DSP: variants seen among roughly 807,000 people sequenced by gnomAD.
DSP encodes 250/210 kDa paraneoplastic pemphigus antigen.
DSP carries 114 observed loss-of-function variants against 290.6 expected under a neutral mutation model. The observed-to-expected ratio is 0.39, with a 90% CI of 0.34 to 0.46. The LOEUF is 0.46. Among genes scored for constraint, DSP ranks in the 20% least tolerant of loss-of-function variants. The probability of loss-of-function intolerance (pLI) is 0.99; values close to 1 mark genes in which losing one functional copy is unlikely to be tolerated. For missense variants in DSP, 3,230 were observed against 3,495.8 expected (o/e 0.92, Z 1.92); for synonymous variants, 1,311 against 1,316.4 (o/e 1.00, Z 0.09).
At chr6:7,564,779 T>C (rs1029120683) in intron 6 of DSP, among the ~76,000 whole-genome samples, 9 of 151,438 alleles carry the variant, frequency 5.9e-5, no homozygotes, top group African/African-American at 1.9e-4. Context: ...TGTCCAGATA[T>C]CATGTGTACC....
intron 5 of DSP, 121 bp from the exon 6 acceptor site, chr6:7,563,615 T>C (rs538786669): frequency 1.3e-5 from 11 of 850,366 alleles, no homozygotes; most frequent in Non-Finnish European, 2.0e-5. Context: ...AGCTAGTAAT[T>C]CTTTCTTTCT....
At chr6:7,556,082 G>T (rs2113654526) in intron 2 of DSP, among the ~76,000 whole-genome samples, 1 of 152,272 alleles carries the variant, frequency 6.6e-6, no homozygotes, top group Non-Finnish European at 1.5e-5. Context: ...CACCTTTTTG[G>T]AAATAAAGCA....
intron 21 of DSP, 43 bp from the exon 22 acceptor site, chr6:7,578,421 T>C: frequency 6.5e-7 from 1 of 1,545,398 alleles, no homozygotes; most frequent in South Asian, 1.1e-5. Flanking sequence ...GACTTTTTTT[T>C]TAATGCAATA....
chr6:7,549,140 A>T (rs1248268757), intron 1 of DSP, among the ~76,000 whole-genome samples: 1 of 139,094 alleles, frequency 7.2e-6, no homozygotes, highest in African/African-American at 2.8e-5. Flanking sequence ...GTATATAGAG[A>T]GTGTTTAATG....
intron 2 of DSP, among the ~76,000 whole-genome samples, chr6:7,556,698 G>A (rs536370398): frequency 5.2e-4 from 79 of 152,274 alleles, no homozygotes; most frequent in Non-Finnish European, 9.1e-4. Context: ...TAGATATTGT[G>A]TGGGTTCTAG....
Position 7,577,863 on chromosome 6 carries a change from C to T in DSP, c.2962C>T (p.Pro988Ser), listed in dbSNP as rs774742340. The T allele has an allele frequency of 1.2e-6, 2 of 1,613,948 alleles. No individual in the cohort carries two copies. Among genetic ancestry groups the T allele is most frequent in the African/African-American group, 1.3e-5 (1 of 74,916 alleles). Residue 988 changes from proline (P) to serine (S), a missense_variant, in exon 21 of 24, where the codon CCT becomes TCT. Coordinates refer to ENST00000379802, the MANE Select transcript of DSP (RefSeq NM_004415.4). ...IPIKRTMIQS[P>S]SGVILQEAAD... ...TATCAAGAGGACCATGATTCAGTCC[C>T]CTTCTGGGGTGATTCTGCAAGAGGT...
Position 7,569,434 on chromosome 6 carries a change from G to A in DSP, c.1574+94G>A, listed in dbSNP as rs992573958. The A allele has an allele frequency of 1.5e-5, 23 of 1,577,168 alleles. No homozygotes were observed. The African/African-American group carries it at 2.3e-4, about 16-fold the overall frequency. On this transcript the variant is annotated intron_variant, in intron 12 of 23. Transcript: ENST00000379802. ...GTTTATACCTGAAGCTTAGACACAC[G>A]ATGCCTTGCCATAATAAACACCTTC...
intron 11 of DSP, 25 bp downstream of exon 11, chr6:7,568,614 A>C: frequency 4.3e-6 from 7 of 1,612,742 alleles, no homozygotes; most frequent in Non-Finnish European, 5.9e-6. Context: ...AGAATGATAC[A>C]AAAGTTTTCC....
intron 16 of DSP, 127 bp downstream of exon 16, chr6:7,574,379 GT>G (rs1255940134): frequency 5.1e-5 from 53 of 1,045,346 alleles, no homozygotes; most frequent in Non-Finnish European, 6.7e-5. Context: ...TCCTTCTGTG[GT>G]TTGGAGAGCA....
At chr6:7,561,875 C>T (rs1014564607) in intron 4 of DSP, among the ~76,000 whole-genome samples, 1 of 152,200 alleles carries the variant, frequency 6.6e-6, no homozygotes, top group African/African-American at 2.4e-5. Flanking sequence ...TACATGTACT[C>T]ATGCAAAAGA....
rs1759212430 is a variant in DSP, at chr6:7,575,478, A to T, written c.2620A>T (p.Ile874Phe). Residue 874 changes from isoleucine to phenylalanine, a missense_variant, in exon 18 of 24, where the codon ATC becomes TTC. Ile to Phe is a conservative substitution (Grantham distance 21). Coordinates refer to ENST00000379802, the MANE Select transcript of DSP (RefSeq NM_004415.4). ...CCGCTGGCAAAGGATAGATAAACAG[A>T]TCGACTTTAGGTATGCCAGCCTCCT... The part of the protein sequence containing the change: ...TDRWQRIDKQ[I>F]DFRLWDLEKQ... 38 of 1,614,146 alleles carry T rather than the reference A, an allele frequency of 2.4e-5. No individual in the cohort carries two copies. The highest frequency in any genetic ancestry group is 3.1e-5 in the Non-Finnish European group (36 of 1,180,008).
In DSP at chr6:7,586,180, A is replaced by G. The variant is rs144726758; in HGVS notation, c.*302A>G. On this transcript the variant is annotated 3_prime_UTR_variant, in exon 24 of 24. Coordinates refer to ENST00000379802, the MANE Select transcript of DSP (RefSeq NM_004415.4). ...TCTTCTGTGTTTCGATTTTTGATCAATTCTTTAATTTTGGAAGCCTATAAT... is the reference window on the plus strand; with the variant it reads ...TCTTCTGTGTTTCGATTTTTGATCAGTTCTTTAATTTTGGAAGCCTATAAT... The G allele has an allele frequency of 1.5e-3, 429 of 294,618 alleles. 1 individual carries two copies. The highest frequency in any genetic ancestry group is 6.3e-3 in the South Asian group (129 of 20,480). The allele number at this position is 294,618 out of a possible 1,614,324, so 18.3% of individuals were successfully genotyped here.
rs1037019925 is a variant in DSP, at chr6:7,562,509, C to T, written c.598-143C>T. On this transcript the variant is annotated intron_variant, in intron 4 of 23. Coordinates refer to ENST00000379802, the MANE Select transcript of DSP (RefSeq NM_004415.4). Reference sequence around the variant, plus strand: ...AACCCTGCATTAGCCATTTGGGAACCTTTAAAAAATATTCTGGCTTCAAAA... The same window carrying T: ...AACCCTGCATTAGCCATTTGGGAACTTTTAAAAAATATTCTGGCTTCAAAA... 3 of 1,472,618 alleles carry T rather than the reference C, an allele frequency of 2.0e-6. No individual in the cohort carries two copies. In the African/African-American group the frequency reaches 4.2e-5, roughly 20 times the overall value. 91.2% of individuals were successfully genotyped at this position (1,472,618 alleles called of 1,614,324 possible). A position where few individuals can be genotyped will look rare whatever the true frequency, so the allele number is the denominator to read the frequency against.
chr6:7,563,865 C>A, intron 6 of DSP, 79 bp downstream of exon 6: 1 of 1,326,970 alleles, frequency 7.5e-7, no homozygotes, highest in Non-Finnish European at 1.1e-6. Flanking sequence ...TCAAGCACAT[C>A]CTGGCGGGGA....
chr6:7,546,995 G>A (rs938013048), intron 1 of DSP, among the ~76,000 whole-genome samples: 14 of 152,150 alleles, frequency 9.2e-5, no homozygotes, highest in African/African-American at 3.4e-4. Context: ...AGCAAAGGAG[G>A]GCTTGGGTGT....
chr6:7,565,864 G>T lies in DSP; in HGVS notation c.939+344G>T. On this transcript the variant is annotated intron_variant, in intron 7 of 23. Coordinates refer to ENST00000379802, the MANE Select transcript of DSP (RefSeq NM_004415.4). This position sits in a 1 kb window ranked among gnomAD's most constrained non-coding sequence, Gnocchi z 4.2. ...TGGAAGGAGGGAGAGGATCAGGCAA[G>T]ATAACTAATGGGTACTAGGCTTAAT... The T allele has an allele frequency of 2.6e-6, 1 of 390,202 alleles. No individual in the cohort carries two copies. Among genetic ancestry groups the T allele is most frequent in the Non-Finnish European group, 4.9e-6 (1 of 204,922 alleles). The allele number at this position is 390,202 out of a possible 1,614,324, so 24.2% of individuals were successfully genotyped here.
At chr6:7,572,188 G>C (rs1759077489) in intron 15 of DSP, 120 bp downstream of exon 15, 3 of 920,562 alleles carry the variant, frequency 3.3e-6, no homozygotes, top group South Asian at 1.5e-5. Context: ...AAGAAAACAG[G>C]CTTCTGGCAG....
In DSP at chr6:7,568,384, T is replaced by C; in HGVS notation, c.1267-53T>C. 3.7e-6 allele frequency: 6 copies of C among 1,600,540 alleles called. No homozygotes were observed. In the South Asian group the frequency reaches 6.6e-5, roughly 18 times the overall value. On this transcript the variant is annotated intron_variant, in intron 10 of 23. Transcript: ENST00000379802. ...ACATTAATGCAGGTTGAAAATCTCCTCTAAAACTCACAGGGTATCTATGTT... is the reference window on the plus strand; with the variant it reads ...ACATTAATGCAGGTTGAAAATCTCCCCTAAAACTCACAGGGTATCTATGTT...
At position 7,574,673 on chromosome 6, in the gene DSP, G is replaced by A. The variant is rs766440842; in HGVS notation, c.2314G>A (p.Ala772Thr). 1 of 1,614,046 alleles carries A rather than the reference G, an allele frequency of 6.2e-7. No homozygotes were observed. The highest frequency in any genetic ancestry group is 8.5e-7 in the Non-Finnish European group (1 of 1,179,966). The change falls in exon 17 of 24, where the codon GCA (alanine) becomes ACA (threonine). Residue 772 changes from alanine (A) to threonine (T), a missense_variant. Physicochemically the swap from Ala to Thr is moderately conservative, Grantham distance 58. Around this residue, in one of 5 missense-constraint regions of DSP, gnomAD observed 1,714 missense variants for 1,844.5 expected, o/e 0.93. Transcript: ENST00000379802. ...TCTTTCCAGCTTATGCACAGTAAGGGCACTGCTCCAGGCTATTCTCCAAAC... is the reference window on the plus strand; with the variant it reads ...TCTTTCCAGCTTATGCACAGTAAGGACACTGCTCCAGGCTATTCTCCAAAC... Reference protein sequence around the residue: ...GYLNSLCTVRALLQAILQTED... With the variant: ...GYLNSLCTVRTLLQAILQTED...
Sources: allele counts gnomAD v4.1 joint callset (sites outside exome capture counted in the v4.1 genomes callset), GRCh38; gene constraint gnomAD v4.1.1; regional missense constraint gnomAD v4.1.1; non-coding constraint Gnocchi (gnomAD v3.1); transcripts MANE v1.5; gene names NCBI Gene and HGNC (gene_info 2026-07-23, HGNC 2026-07-21).